HS6ST3: variants seen among roughly 807,000 people sequenced by gnomAD.
HS6ST3 encodes heparan sulfate 6-O-sulfotransferase 3.
In HS6ST3, 12 loss-of-function variants were observed where a neutral mutation model predicts 36.7. The ratio of observed to expected loss-of-function variants is 0.33; its 90% CI spans 0.21 to 0.53. The LOEUF is 0.53. Ranked by LOEUF, HS6ST3 falls within the 20% of genes least tolerant of loss-of-function variation. HS6ST3 has a pLI of 0.95. For synonymous variants in HS6ST3, 240 were observed against 257.5 expected (o/e 0.93, Z 0.65); for missense variants, 584 against 640.9 (o/e 0.91, Z 0.96).
At chr13:96,162,900 G>GT (rs977979630) in intron 1 of HS6ST3, among the ~76,000 whole-genome samples, 22 of 151,228 alleles carry the variant, frequency 1.5e-4, no homozygotes, top group Admixed American at 2.6e-4. Flanking sequence ...ATGTGGTTTA[G>GT]TTTTTTTTTG....
chr13:96,788,621 A>G lies in HS6ST3; in HGVS notation c.708-43869A>G, dbSNP rs1033443665. ...ATTTTTGTTCACTTGTTACAGTGGT[A>G]AATGAGGGGAACATATTGAATTGTG... is the stretch of plus-strand genomic sequence containing the variant. On this transcript the variant is annotated intron_variant, in intron 1 of 1. Coordinates refer to ENST00000376705, the MANE Select transcript of HS6ST3 (RefSeq NM_153456.4). Among the ~76,000 whole-genome samples the G allele has an allele frequency of 2.6e-5, 4 of 151,914 alleles. No homozygotes were observed. The East Asian group carries it at 7.7e-4, about 29-fold the overall frequency.
intron 1 of HS6ST3, among the ~76,000 whole-genome samples, chr13:96,480,297 A>T (rs944241765): frequency 6.6e-6 from 1 of 152,078 alleles, no homozygotes; most frequent in African/African-American, 2.4e-5. Context: ...TATTTTTAGT[A>T]GAGATGCGGT....
Position 96,779,566 on chromosome 13 carries a change from G to A in HS6ST3, c.708-52924G>A, listed in dbSNP as rs566608591. Among the ~76,000 whole-genome samples, 7 of 152,026 alleles carry A rather than the reference G, an allele frequency of 4.6e-5. No homozygotes were observed. The South Asian group carries it at 1.2e-3, about 27-fold the overall frequency. On this transcript the variant is annotated intron_variant, in intron 1 of 1. Transcript: ENST00000376705. Reference sequence around the variant, plus strand: ...TCTGGACATTTTGTGGATGAGTAGCGAGCAGGACATACGTGCCAAGATGAT... The same window carrying A: ...TCTGGACATTTTGTGGATGAGTAGCAAGCAGGACATACGTGCCAAGATGAT...
chr13:96,350,310 C>CATGTAAGAA (rs2055175383), intron 1 of HS6ST3, among the ~76,000 whole-genome samples: 1 of 152,162 alleles, frequency 6.6e-6, no homozygotes, highest in Admixed American at 6.5e-5. Flanking sequence ...ACAGAAATAG[C>CATGTAAGAA]CAGCTTACAT....
At chr13:96,495,319 C>T (rs908904314) in intron 1 of HS6ST3, among the ~76,000 whole-genome samples, 4 of 152,146 alleles carry the variant, frequency 2.6e-5, no homozygotes, top group African/African-American at 9.7e-5. Context: ...AGAAATATCC[C>T]TCTCCTTTTG....
At chr13:96,304,711 C>CTTTCTTTTTTTCTTTCTT (rs766397124) in intron 1 of HS6ST3, among the ~76,000 whole-genome samples, 1 of 89,338 alleles carries the variant, frequency 1.1e-5, no homozygotes, top group African/African-American at 4.4e-5. Flanking sequence ...TTCTTTCTTT[C>CTTTCTTTTTTTCTTTCTT]TTTTTTTTTT....
At chr13:96,495,191 G>A (rs74106487) in intron 1 of HS6ST3, among the ~76,000 whole-genome samples, 4,099 of 152,122 alleles carry the variant, frequency 0.027, 181 homozygotes, top group African/African-American at 0.089. Context: ...TATCAAATGC[G>A]TTTAAGAATT....
intron 1 of HS6ST3, among the ~76,000 whole-genome samples, chr13:96,196,382 T>TC (rs1044344110): frequency 6.6e-6 from 1 of 152,004 alleles, no homozygotes; most frequent in Non-Finnish European, 1.5e-5. Context: ...CCTAAGTGTC[T>TC]CCCCCGAGAA....
intron 1 of HS6ST3, among the ~76,000 whole-genome samples, chr13:96,442,040 C>G (rs1223489301): frequency 7.3e-6 from 1 of 137,034 alleles, no homozygotes; most frequent in Non-Finnish European, 1.5e-5. Flanking sequence ...TTTTTTTTTT[C>G]AGACAGAGTC....
chr13:96,786,547 C>T (rs16953570), intron 1 of HS6ST3, among the ~76,000 whole-genome samples: 13,292 of 152,056 alleles, frequency 0.087, 716 homozygotes, highest in East Asian at 0.27. Flanking sequence ...TTCAGGCTTG[C>T]CCCTAAATCA....
chr13:96,397,076 C>T (rs1313966274), intron 1 of HS6ST3, among the ~76,000 whole-genome samples: 3 of 151,952 alleles, frequency 2.0e-5, no homozygotes, highest in Non-Finnish European at 2.9e-5. Context: ...TGATAGTGGG[C>T]GCCTGTAATC....
At chr13:96,319,517 G>A (rs532661091) in intron 1 of HS6ST3, among the ~76,000 whole-genome samples, 4 of 152,182 alleles carry the variant, frequency 2.6e-5, no homozygotes, top group South Asian at 2.1e-4. Context: ...CCTTGGAATC[G>A]AATTATTGGG....
At chr13:96,562,183 A>G (rs1425453286) in intron 1 of HS6ST3, among the ~76,000 whole-genome samples, 6 of 152,246 alleles carry the variant, frequency 3.9e-5, no homozygotes, top group Non-Finnish European at 8.8e-5. Context: ...ACAACATGGG[A>G]TACTGCACAG....
At chr13:96,388,014 C>T (rs907539781) in intron 1 of HS6ST3, among the ~76,000 whole-genome samples, 1 of 152,192 alleles carries the variant, frequency 6.6e-6, no homozygotes, top group African/African-American at 2.4e-5. Flanking sequence ...ATTTGGCCAA[C>T]TTTGATGGCC....
intron 1 of HS6ST3, among the ~76,000 whole-genome samples, chr13:96,366,625 A>G (rs2055264483): frequency 6.6e-6 from 1 of 152,072 alleles, no homozygotes; most frequent in African/African-American, 2.4e-5. Context: ...CCCATGCCCA[A>G]GATGCACCCC....
At chr13:96,279,408 T>C (rs2054764060) in intron 1 of HS6ST3, among the ~76,000 whole-genome samples, 1 of 152,224 alleles carries the variant, frequency 6.6e-6, no homozygotes. Flanking sequence ...GTGGAGTTTA[T>C]AGTTGAGGAC....
chr13:96,791,103 G>T (rs1186568383), intron 1 of HS6ST3, among the ~76,000 whole-genome samples: 1 of 151,908 alleles, frequency 6.6e-6, no homozygotes, highest in Non-Finnish European at 1.5e-5. Context: ...TTTCTAGGAC[G>T]ACATCCTCAA....
intron 1 of HS6ST3, among the ~76,000 whole-genome samples, chr13:96,180,114 C>T (rs572201893): frequency 7.9e-5 from 12 of 152,252 alleles, no homozygotes; most frequent in Middle Eastern, 3.4e-3. Flanking sequence ...GGATTACAGG[C>T]GTGACCCACC....
intron 1 of HS6ST3, among the ~76,000 whole-genome samples, chr13:96,759,820 A>G (rs1471813781): frequency 6.6e-6 from 1 of 152,014 alleles, no homozygotes; most frequent in Non-Finnish European, 1.5e-5. Context: ...TCTAAGAGCT[A>G]CTGAGTGTTA....
Sources: allele counts gnomAD v4.1 joint callset (sites outside exome capture counted in the v4.1 genomes callset), GRCh38; gene constraint gnomAD v4.1.1; transcripts MANE v1.5; gene names NCBI Gene and HGNC (gene_info 2026-07-23, HGNC 2026-07-21).